The following FRMD6 variants were observed in gnomAD, a reference collection of about 807,000 sequenced individuals.
The protein encoded by FRMD6 is FERM domain-containing protein 6.
In FRMD6, 37 loss-of-function variants were observed where a neutral mutation model predicts 73.2. The observed-to-expected ratio is 0.51, with a 90% confidence interval of 0.39 to 0.66. The LOEUF (loss-of-function observed/expected upper bound fraction) is 0.66. FRMD6 is among the 30% of genes least tolerant of loss of function. The pLI is 0.00. For missense variants in FRMD6, 714 were observed against 780.5 expected (o/e 0.91, Z 1.02); for synonymous variants, 273 against 282.2 (o/e 0.97, Z 0.33).
the FRMD6 span, among the ~76,000 whole-genome samples, chr14:51,444,757 C>T: frequency 6.6e-6 from 1 of 152,078 alleles, no homozygotes; most frequent in Non-Finnish European, 1.5e-5. Context: ...TTCTAAACTG[C>T]TTTAGCGAGA....
At chr14:51,605,144 T>TC (rs1423005092) in intron 2 of FRMD6, among the ~76,000 whole-genome samples, 11 of 147,224 alleles carry the variant, frequency 7.5e-5, no homozygotes, top group East Asian at 3.9e-4. Context: ...GGTTTCTTTT[T>TC]TTTTTTTTTT....
At chr14:51,486,616 G>A (rs1882765724), upstream of FRMD6, among the ~76,000 whole-genome samples, 1 of 152,170 alleles carries the variant, frequency 6.6e-6, no homozygotes, top group Admixed American at 6.5e-5. Flanking sequence ...TTGTATCTTC[G>A]TGGACACTGA....
chr14:51,639,166 A>G (rs1891709456), intron 2 of FRMD6, among the ~76,000 whole-genome samples: 1 of 152,128 alleles, frequency 6.6e-6, no homozygotes, highest in African/African-American at 2.4e-5. Flanking sequence ...GTTCACACAC[A>G]AAAATAATTA....
intron 2 of FRMD6, among the ~76,000 whole-genome samples, chr14:51,593,297 C>T (rs1181830623): frequency 6.6e-6 from 1 of 152,206 alleles, no homozygotes; most frequent in Non-Finnish European, 1.5e-5. Context: ...GCCTCTAATG[C>T]AGCCAAAGAA....
intron 1 of FRMD6, among the ~76,000 whole-genome samples, chr14:51,679,148 G>T (rs1451692882): frequency 6.6e-6 from 1 of 152,146 alleles, no homozygotes; most frequent in African/African-American, 2.4e-5. Context: ...CATTGTGGGG[G>T]ATGGCTTTAA....
intron 2 of FRMD6, among the ~76,000 whole-genome samples, chr14:51,586,552 T>G (rs1889062052): frequency 6.6e-6 from 1 of 152,180 alleles, no homozygotes; most frequent in South Asian, 2.1e-4. Flanking sequence ...TTGTTTCTTT[T>G]TGCTGTGCAG....
At chr14:51,680,125 C>A (rs994371435) in intron 1 of FRMD6, among the ~76,000 whole-genome samples, 1 of 152,212 alleles carries the variant, frequency 6.6e-6, no homozygotes, top group African/African-American at 2.4e-5. Context: ...GGAAGCCTCT[C>A]AGGCTTTCCA....
chr14:51,418,329 A>C, the FRMD6 span, among the ~76,000 whole-genome samples: 1 of 152,064 alleles, frequency 6.6e-6, no homozygotes, highest in African/African-American at 2.4e-5. Context: ...GACCATCATC[A>C]TGGGGTTTTG....
Position 51,580,354 on chromosome 14 carries a change from C to G in FRMD6, c.-147+9944C>G, listed in dbSNP as rs114543229. On this transcript the variant is annotated intron_variant, in intron 2 of 14. Coordinates refer to the FRMD6 transcript ENST00000356218. Reference sequence around the variant, plus strand: ...AGTATCAGCAATAATAATTTAGTAGCAGAATTGCAAACACCTATGAGCACT... The same window carrying G: ...AGTATCAGCAATAATAATTTAGTAGGAGAATTGCAAACACCTATGAGCACT... Among the ~76,000 whole-genome samples the G allele has an allele frequency of 1.9e-3, 296 of 152,256 alleles. 2 individuals are homozygous for G. Among genetic ancestry groups the G allele is most frequent in the Non-Finnish European group, 3.2e-3 (220 of 68,024 alleles).
chr14:51,425,827 T>A, the FRMD6 span, among the ~76,000 whole-genome samples: 6 of 152,220 alleles, frequency 3.9e-5, no homozygotes, highest in African/African-American at 1.2e-4. Flanking sequence ...AATTGTTTCA[T>A]CTTTTCTTGT....
At position 51,672,368 on chromosome 14, in the gene FRMD6, C is replaced by CA. The variant is rs149083652; in HGVS notation, c.-146-17322dup. Among the ~76,000 whole-genome samples, 759 of 152,332 alleles carry CA rather than the reference C, an allele frequency of 5.0e-3. 1 individual carries two copies. Among genetic ancestry groups the CA allele is most frequent in the Non-Finnish European group, 8.1e-3 (548 of 68,034 alleles). On this transcript the variant is annotated intron_variant, in intron 1 of 13. Coordinates refer to ENST00000344768, the MANE Select transcript of FRMD6 (RefSeq NM_001267046.2). ...TGCTCCTGCTCAATACCTCTCTTCA[C>CA]ACAAGGACAATTTTGGGAGAGTTTT...
intron 1 of FRMD6, among the ~76,000 whole-genome samples, chr14:51,497,494 C>T (rs534506072): frequency 2.0e-5 from 3 of 152,270 alleles, no homozygotes; most frequent in African/African-American, 7.2e-5. Context: ...CTAATGCTCT[C>T]TCCACACTAA....
At chr14:51,532,903 C>A (rs1885670045) in intron 1 of FRMD6, among the ~76,000 whole-genome samples, 1 of 152,250 alleles carries the variant, frequency 6.6e-6, no homozygotes, top group Admixed American at 6.5e-5. Flanking sequence ...TCTTTGTCAA[C>A]CCAGTGCTCA....
At chr14:51,530,274 C>T (rs1281213948) in intron 1 of FRMD6, among the ~76,000 whole-genome samples, 1 of 152,178 alleles carries the variant, frequency 6.6e-6, no homozygotes, top group East Asian at 1.9e-4. Context: ...GCTCCACTCT[C>T]CGTGGCGTCA....
chr14:51,599,162 T>A (rs1889893085), intron 2 of FRMD6, among the ~76,000 whole-genome samples: 1 of 151,192 alleles, frequency 6.6e-6, no homozygotes, highest in Admixed American at 6.6e-5. Flanking sequence ...TATTATGATG[T>A]TGAGCATTTT....
intron 1 of FRMD6, among the ~76,000 whole-genome samples, chr14:51,546,128 T>C (rs1024567317): frequency 1.3e-5 from 2 of 152,198 alleles, no homozygotes; most frequent in Non-Finnish European, 2.9e-5. Context: ...ATTTCAGTGA[T>C]AAATCATAGA....
chr14:51,540,513 C>T (rs1886148817), intron 1 of FRMD6, among the ~76,000 whole-genome samples: 2 of 152,188 alleles, frequency 1.3e-5, no homozygotes, highest in South Asian at 4.1e-4. Flanking sequence ...TTGGCTACCA[C>T]AATGCCTGGC....
chr14:51,648,533 G>C (rs1025966943), upstream of FRMD6, among the ~76,000 whole-genome samples: 5 of 152,232 alleles, frequency 3.3e-5, no homozygotes, highest in African/African-American at 4.8e-5. Flanking sequence ...CAACGTGCTT[G>C]CAAGTTTGAG....
chr14:51,502,179 C>G (rs1883664762), intron 1 of FRMD6, among the ~76,000 whole-genome samples: 1 of 152,094 alleles, frequency 6.6e-6, no homozygotes, highest in Non-Finnish European at 1.5e-5. Flanking sequence ...GTTTATTTTG[C>G]TGTACAGAAG....
Sources: allele counts gnomAD v4.1 joint callset (sites outside exome capture counted in the v4.1 genomes callset), GRCh38; gene constraint gnomAD v4.1.1; transcripts MANE v1.5; gene names NCBI Gene and HGNC (gene_info 2026-07-23, HGNC 2026-07-21).